Variants in RPGRIP1L observed in about 807,000 individuals in gnomAD.
The protein encoded by RPGRIP1L is RPGRIP1 like.
RPGRIP1L carries 131 observed loss-of-function variants against 160.4 expected under a neutral mutation model. The observed-to-expected ratio is 0.82, with a 90% CI of 0.71 to 0.94. RPGRIP1L has a LOEUF of 0.94. RPGRIP1L is among the 40% of genes least tolerant of loss of function. RPGRIP1L has a pLI of 0.00. For missense variants in RPGRIP1L, 1,522 were observed against 1,535.8 expected, an observed-to-expected ratio of 0.99 and a Z score of 0.15; for synonymous variants, 510 against 515.8, an observed-to-expected ratio of 0.99 and a Z score of 0.15.
chr16:53,620,314 T>G (rs1964626623), intron 23 of RPGRIP1L, among the ~76,000 whole-genome samples: 2 of 152,196 alleles, frequency 1.3e-5, no homozygotes, highest in South Asian at 4.1e-4. Flanking sequence ...ACCCTCTCAA[T>G]ATTTGATGAA....
intron 17 of RPGRIP1L, 147 bp downstream of exon 17, chr16:53,645,478 A>C (rs1966480152): frequency 1.6e-6 from 1 of 612,124 alleles, no homozygotes; most frequent in Non-Finnish European, 2.6e-6. Context: ...GTAAGAAAAT[A>C]ATTTTTAAAA....
Position 53,678,427 on chromosome 16 carries a change from T to C in RPGRIP1L, c.777-3305A>G, listed in dbSNP as rs113287449. Among the ~76,000 whole-genome samples, 27 of 152,280 alleles carry C rather than the reference T, an allele frequency of 1.8e-4. 2 individuals are homozygous for C. Among genetic ancestry groups the C allele is most frequent in the Admixed American group, 5.2e-4 (8 of 15,292 alleles). The stretch of plus-strand genomic sequence containing the variant: ...AAATCCAGAAACCTAAAACCTCAGA[T>C]ACACTGGAGAAGTAAAAACTTTCAG... On this transcript the variant is annotated intron_variant, in intron 6 of 26. Transcript: ENST00000647211.
chr16:53,661,811 T>G (rs952140830), intron 10 of RPGRIP1L, among the ~76,000 whole-genome samples: 1 of 152,336 alleles, frequency 6.6e-6, no homozygotes, highest in African/African-American at 2.4e-5. Flanking sequence ...CTCCATTCAC[T>G]GATATTTTTT....
chr16:53,643,630 C>G (rs1224990977), intron 17 of RPGRIP1L, among the ~76,000 whole-genome samples: 2 of 152,076 alleles, frequency 1.3e-5, no homozygotes, highest in Non-Finnish European at 2.9e-5. Flanking sequence ...GCTATGCTGA[C>G]CTATGGTTAA....
At chr16:53,609,482 T>G (rs1443615777) in intron 25 of RPGRIP1L, among the ~76,000 whole-genome samples, 2 of 143,476 alleles carry the variant, frequency 1.4e-5, no homozygotes, top group African/African-American at 5.6e-5. Context: ...GAACTTGATT[T>G]TAAATTTTTT....
chr16:53,629,597 T>G (rs9922859), intron 22 of RPGRIP1L, among the ~76,000 whole-genome samples: 16,585 of 152,244 alleles, frequency 0.11, 1,635 homozygotes, highest in African/African-American at 0.26. Context: ...TATTCAACAT[T>G]TTAGTACAGA....
intron 15 of RPGRIP1L, among the ~76,000 whole-genome samples, chr16:53,649,933 C>G (rs755031339): frequency 6.6e-6 from 1 of 152,102 alleles, no homozygotes; most frequent in Admixed American, 6.6e-5. Context: ...TAATATTTGT[C>G]AAATAGAGAA....
In RPGRIP1L at chr16:53,652,963, C is replaced by T. The variant is rs1291357029; in HGVS notation, c.1724G>A (p.Gly575Asp). ...LEAQLKDIAYGTKQYKFKPEI... is the reference protein window; with the variant it reads ...LEAQLKDIAYDTKQYKFKPEI... ...TGGTTTAAATTTGTACTGCTTGGTG[C>T]CATAGGCAATATCCTTTAATTGGGC... The change falls in exon 15 of 27, where the codon GGC (glycine) becomes GAC (aspartate). Residue 575 changes from glycine (G) to aspartate (D), a missense_variant. Coordinates refer to ENST00000647211, the MANE Select transcript of RPGRIP1L (RefSeq NM_015272.5). 9 of 1,613,328 alleles carry T rather than the reference C, an allele frequency of 5.6e-6. No individual in the cohort carries two copies.
chr16:53,616,879 C>A (rs1964406219), intron 24 of RPGRIP1L, among the ~76,000 whole-genome samples: 1 of 151,676 alleles, frequency 6.6e-6, no homozygotes, highest in South Asian at 2.1e-4. Context: ...TGAGACCAGC[C>A]TCGGCAACAT....
Position 53,611,044 on chromosome 16 carries a change from G to A in RPGRIP1L, c.3624C>T (p.Tyr1208=), listed in dbSNP as rs138724933. The A allele has an allele frequency of 1.0e-3, 1,682 of 1,610,014 alleles. 3 individuals are homozygous for A. The highest frequency in any genetic ancestry group is 1.3e-3 in the Non-Finnish European group (1,549 of 1,176,958). ...WVYYNYSNVI[Y]VDKENNKAKR... ...TTGCTTTGTTGTTTTCTTTATCCAC[G>A]TAGATCACTATACCAAAAGAAAAAA... Residue 1208 remains tyrosine, a synonymous_variant, in exon 25 of 27, where the codon TAC becomes TAT. Coordinates refer to ENST00000647211, the MANE Select transcript of RPGRIP1L (RefSeq NM_015272.5).
intron 22 of RPGRIP1L, among the ~76,000 whole-genome samples, chr16:53,625,739 G>A (rs879297852): frequency 6.6e-5 from 10 of 152,182 alleles, no homozygotes; most frequent in South Asian, 4.1e-4. Context: ...AGATCAGATT[G>A]TTACTGTGTC....
intron 2 of RPGRIP1L, among the ~76,000 whole-genome samples, chr16:53,698,463 CCGGCCAGCCGCCCCG>C (rs1971045900): frequency 6.8e-6 from 1 of 147,882 alleles, no homozygotes; most frequent in Admixed American, 6.6e-5. Flanking sequence ...GCCTCTCTGC[CCGGCCAGCCGCCCCG>C]TCCAGGAGGG....
At chr16:53,700,548 G>A (rs1971316133) in intron 2 of RPGRIP1L, 91 bp downstream of exon 2, 2 of 971,040 alleles carry the variant, frequency 2.1e-6, no homozygotes, top group Middle Eastern at 2.1e-4. Context: ...TTACTTAAAT[G>A]GTTTGGTTTG....
chr16:53,619,253 T>C (rs1167260311), intron 23 of RPGRIP1L, 45 bp from the exon 24 acceptor site: 2 of 1,560,938 alleles, frequency 1.3e-6, no homozygotes, highest in East Asian at 2.2e-5. Context: ...AATAAAATAA[T>C]TGAACAAAAA....
intron 10 of RPGRIP1L, among the ~76,000 whole-genome samples, chr16:53,664,258 GATT>G (rs1352956502): frequency 6.6e-6 from 1 of 152,094 alleles, no homozygotes; most frequent in East Asian, 1.9e-4. Context: ...ACTTATTAGT[GATT>G]ATTATTTTAG....
chr16:53,657,845 T>C (rs1967398816), intron 12 of RPGRIP1L, among the ~76,000 whole-genome samples: 1 of 152,054 alleles, frequency 6.6e-6, no homozygotes. Flanking sequence ...ATTTGAATAT[T>C]TGGATAGACA....
chr16:53,670,197 A>G (rs1013971890), intron 9 of RPGRIP1L, among the ~76,000 whole-genome samples: 1 of 152,184 alleles, frequency 6.6e-6, no homozygotes, highest in Middle Eastern at 3.2e-3. Flanking sequence ...AACTTTCCAG[A>G]AGTAAATCAA....
intron 3 of RPGRIP1L, chr16:53,693,553 ATTG>A (rs1386509721): frequency 3.9e-5 from 6 of 152,188 alleles, no homozygotes; most frequent in African/African-American, 1.4e-4. Flanking sequence ...ATCAGTTAAG[ATTG>A]TTTTCTCTTT....
chr16:53,658,040 C>T (rs971979404), intron 12 of RPGRIP1L, among the ~76,000 whole-genome samples: 2 of 151,778 alleles, frequency 1.3e-5, no homozygotes, highest in African/African-American at 4.8e-5. Context: ...ATTTATAATT[C>T]AATATTTTAC....
Sources: allele counts gnomAD v4.1 joint callset (sites outside exome capture counted in the v4.1 genomes callset), GRCh38; gene constraint gnomAD v4.1.1; transcripts MANE v1.5; gene names NCBI Gene and HGNC (gene_info 2026-07-23, HGNC 2026-07-21).